The following ZC3H12B variants were observed in gnomAD, a reference collection of about 807,000 sequenced individuals.
The protein encoded by ZC3H12B is zinc finger CCCH-type containing 12B.
A neutral mutation model predicts 43.9 loss-of-function variants in ZC3H12B; 7 were observed. That is an observed-to-expected ratio of 0.16 (90% CI 0.09 to 0.30). The LOEUF (loss-of-function observed/expected upper bound fraction) is 0.30, where lower values mean the gene tolerates loss of function less well. ZC3H12B is among the 10% of genes least tolerant of loss of function. The pLI is 1.00. For synonymous variants in ZC3H12B, 222 were observed against 241.7 expected (o/e 0.92, Z 0.76); for missense variants, 475 against 670.2 (o/e 0.71, Z 3.22).
At chrX:65,223,143 C>T in the ZC3H12B span, among the ~76,000 whole-genome samples, 10 of 111,235 alleles carry the variant, frequency 9.0e-5, no homozygotes, top group African/African-American at 3.3e-4. Context: ...GGAAAGGACA[C>T]CCTATTCAAC....
At chrX:65,388,606 A>T (rs2066565157) in intron 2 of ZC3H12B, among the ~76,000 whole-genome samples, 1 of 110,860 alleles carries the variant, frequency 9.0e-6, no homozygotes, top group Non-Finnish European at 1.9e-5. Flanking sequence ...TTTAGCTCAG[A>T]GTAGTTTGAT....
At chrX:65,163,480 A>G in the ZC3H12B span, among the ~76,000 whole-genome samples, 1 of 110,206 alleles carries the variant, frequency 9.1e-6, no homozygotes, top group African/African-American at 3.3e-5. Context: ...AATGACATGC[A>G]CCCCTCCCCC....
the ZC3H12B span, among the ~76,000 whole-genome samples, chrX:65,284,315 C>A: frequency 1.9e-5 from 2 of 107,713 alleles, no homozygotes; most frequent in East Asian, 5.8e-4. Flanking sequence ...TGTAACAATT[C>A]TCCAGTAATA....
the ZC3H12B span, among the ~76,000 whole-genome samples, chrX:65,058,190 GT>G: frequency 9.0e-6 from 1 of 111,241 alleles, no homozygotes; most frequent in Admixed American, 9.6e-5. Context: ...TTTCTGCTCT[GT>G]TTTTTTCCCG....
chrX:65,453,037 A>G (rs765928706), intron 3 of ZC3H12B, among the ~76,000 whole-genome samples: 1 of 110,413 alleles, frequency 9.1e-6, no homozygotes, highest in East Asian at 2.9e-4. Context: ...GAGCCCACAT[A>G]GCCAATGCAA....
the ZC3H12B span, among the ~76,000 whole-genome samples, chrX:65,223,688 T>A: frequency 8.9e-6 from 1 of 112,042 alleles, no homozygotes; most frequent in African/African-American, 3.2e-5. Context: ...CAAAAGAAGA[T>A]ATAGAAATGG....
the ZC3H12B span, among the ~76,000 whole-genome samples, chrX:65,333,013 T>C: frequency 8.9e-6 from 1 of 111,738 alleles, no homozygotes; most frequent in Non-Finnish European, 1.9e-5. Flanking sequence ...AGATATGACT[T>C]TTTTTAAAAA....
At chrX:65,167,242 G>T in the ZC3H12B span, among the ~76,000 whole-genome samples, 2 of 111,916 alleles carry the variant, frequency 1.8e-5, no homozygotes, top group Non-Finnish European at 3.8e-5. Flanking sequence ...AAGGGATCCA[G>T]TTTCAGCTTT....
the ZC3H12B span, among the ~76,000 whole-genome samples, chrX:65,128,817 A>G: frequency 7.2e-5 from 8 of 111,177 alleles, no homozygotes; most frequent in Admixed American, 7.7e-4. Flanking sequence ...TGTCTCTCAT[A>G]TTTTCTTTAC....
At chrX:65,307,124 T>C in the ZC3H12B span, among the ~76,000 whole-genome samples, 3 of 112,414 alleles carry the variant, frequency 2.7e-5, no homozygotes, top group Admixed American at 9.4e-5. Flanking sequence ...TGTGAAAACT[T>C]ATAAAATTGT....
exon 5 of ZC3H12B, chrX:65,503,606 CT>C: frequency 9.3e-6 from 1 of 107,888 alleles, no homozygotes; most frequent in African/African-American, 4.4e-5. Context: ...CTTTTCGTTT[CT>C]TTCTTTCTTT....
chrX:65,233,504 G>A, the ZC3H12B span, among the ~76,000 whole-genome samples: 2 of 107,064 alleles, frequency 1.9e-5, no homozygotes, highest in Non-Finnish European at 1.9e-5. Context: ...ATGACCATTG[G>A]GCCAATGAAG....
chrX:65,190,852 A>G, the ZC3H12B span, among the ~76,000 whole-genome samples: 1 of 105,958 alleles, frequency 9.4e-6, no homozygotes, highest in Non-Finnish European at 1.9e-5. Flanking sequence ...AGGAGTGGTG[A>G]GAGAGGGCAC....
intron 2 of ZC3H12B, among the ~76,000 whole-genome samples, chrX:65,379,983 G>T (rs184244209): frequency 1.8e-5 from 2 of 112,280 alleles, no homozygotes; most frequent in Admixed American, 1.9e-4. Context: ...ACGTCTGATT[G>T]GTGTACCTGA....
chrX:65,456,304 C>CA (rs1476377049), intron 3 of ZC3H12B, among the ~76,000 whole-genome samples: 10 of 108,628 alleles, frequency 9.2e-5, no homozygotes, highest in Admixed American at 2.0e-4. Flanking sequence ...AAATGGAAAA[C>CA]AAAAAAAAGG....
intron 2 of ZC3H12B, among the ~76,000 whole-genome samples, chrX:65,383,576 T>C (rs2066475764): frequency 9.0e-6 from 1 of 111,466 alleles, no homozygotes; most frequent in Non-Finnish European, 1.9e-5. Flanking sequence ...CCAAAAGCAA[T>C]GGCAACAAAA....
At chrX:65,450,604 T>C (rs1224539194) in intron 3 of ZC3H12B, among the ~76,000 whole-genome samples, 1 of 3,298 alleles carries the variant, frequency 3.0e-4, no homozygotes, top group Non-Finnish European at 3.7e-4. Flanking sequence ...TATGTGTATA[T>C]ATGTATATGT....
intron 3 of ZC3H12B, among the ~76,000 whole-genome samples, chrX:65,425,107 T>A (rs775719018): frequency 8.9e-6 from 1 of 112,032 alleles, no homozygotes; most frequent in African/African-American, 3.2e-5. Flanking sequence ...GCATAGAATG[T>A]TTTTTCCATT....
At chrX:65,358,163 T>C in the ZC3H12B span, among the ~76,000 whole-genome samples, 1 of 111,427 alleles carries the variant, frequency 9.0e-6, no homozygotes, top group Non-Finnish European at 1.9e-5. Flanking sequence ...TAAATATATA[T>C]GCACCCAATA....
Sources: allele counts gnomAD v4.1 joint callset (sites outside exome capture counted in the v4.1 genomes callset), GRCh38; gene constraint gnomAD v4.1.1; transcripts MANE v1.5; gene names NCBI Gene and HGNC (gene_info 2026-07-23, HGNC 2026-07-21).